The following ST3GAL5 variants were observed in gnomAD, a reference collection of about 807,000 sequenced individuals.
ST3GAL5 encodes ST3 beta-galactoside alpha-2,3-sialyltransferase 5.
Under a neutral mutation model 46.1 loss-of-function variants are expected in ST3GAL5, and 25 were observed. The observed-to-expected ratio is 0.54, with a 90% CI of 0.40 to 0.76. The LOEUF is 0.76. Among genes scored for constraint, ST3GAL5 ranks in the 30% least tolerant of loss-of-function variants. ST3GAL5 has a pLI of 0.00. For missense variants in ST3GAL5, 431 were observed against 521.2 expected (o/e 0.83, Z 1.69); for synonymous variants, 182 against 192.7 (o/e 0.94, Z 0.46).
rs1176779685 is a variant in ST3GAL5 at position 85,844,383 on chromosome 2, G to C, written c.1008+13C>G. On this transcript the variant is annotated intron_variant, in intron 6 of 6. Transcript: ENST00000638572. Reference sequence around the variant, plus strand: ...AACAGGGAATGATTAACTTTGAGTAGCAACAAAAATACCTTATCTCGGCCC... The same window carrying C: ...AACAGGGAATGATTAACTTTGAGTACCAACAAAAATACCTTATCTCGGCCC... 6.2e-7 allele frequency: 1 copy of C among 1,614,056 alleles called. No homozygotes were observed. Among genetic ancestry groups the C allele is most frequent in the Non-Finnish European group, 8.5e-7 (1 of 1,180,036 alleles).
chr2:85,867,550 AG>A, intron 1 of ST3GAL5: 1 of 780,298 alleles, frequency 1.3e-6, no homozygotes, highest in Non-Finnish European at 2.4e-6. Flanking sequence ...CCAAAGGCCA[AG>A]GAAGAGGCTG....
intron 1 of ST3GAL5, among the ~76,000 whole-genome samples, chr2:85,876,800 T>A (rs1236817293): frequency 2.0e-5 from 3 of 152,132 alleles, no homozygotes; most frequent in Non-Finnish European, 4.4e-5. Flanking sequence ...ACAAAACAAA[T>A]TCTGCAAGAA....
At chr2:85,883,675 G>T (rs1427428759) in intron 1 of ST3GAL5, among the ~76,000 whole-genome samples, 2 of 152,280 alleles carry the variant, frequency 1.3e-5, no homozygotes, top group East Asian at 3.9e-4. Flanking sequence ...TGCCTAAAGG[G>T]TCTACCCAGG....
rs745398807 is a variant in ST3GAL5 at position 85,848,418 on chromosome 2, G to C, written c.319-214C>G. The C allele has an allele frequency of 2.5e-4, 380 of 1,524,890 alleles. 2 individuals carry two copies. Among genetic ancestry groups the C allele is most frequent in the Admixed American group, 3.6e-4 (18 of 50,216 alleles). The allele number at this position is 1,524,890 out of a possible 1,614,324, so 94.5% of individuals were successfully genotyped here. ...ACATGACAAGGAGATAAACACAGCA[G>C]GGTATTCATTTCATTGCACAGGCAA... On this transcript the variant is annotated intron_variant, in intron 3 of 6. Coordinates refer to ENST00000638572, the MANE Select transcript of ST3GAL5 (RefSeq NM_003896.4).
At chr2:85,868,833 G>GCAA (rs1685584742) in intron 1 of ST3GAL5, among the ~76,000 whole-genome samples, 1 of 152,056 alleles carries the variant, frequency 6.6e-6, no homozygotes, top group Non-Finnish European at 1.5e-5. Flanking sequence ...TGGCCAGGCT[G>GCAA]GTCTCAAACT....
At chr2:85,863,852 C>A (rs914157350) in intron 1 of ST3GAL5, among the ~76,000 whole-genome samples, 1 of 151,972 alleles carries the variant, frequency 6.6e-6, no homozygotes, top group African/African-American at 2.4e-5. Flanking sequence ...GGATTACAGG[C>A]GCATGCCACC....
At position 85,861,308 on chromosome 2, in the gene ST3GAL5, T is replaced by A; in HGVS notation, c.207-16A>T. ...CAATGTACATCTGGAAAAAAATCAA[T>A]TAGGTATTATGATGTAGTCATGTGA... On this transcript the variant is annotated splice_polypyrimidine_tract_variant and intron_variant, in intron 2 of 6. Transcript: ENST00000638572. The A allele has an allele frequency of 6.7e-7, 1 of 1,493,528 alleles. No homozygotes were observed. The highest frequency in any genetic ancestry group is 9.3e-7 in the Non-Finnish European group (1 of 1,070,914). The allele number at this position is 1,493,528 out of a possible 1,614,324, so 92.5% of individuals were successfully genotyped here.
chr2:85,880,539 A>G (rs1687030911), intron 1 of ST3GAL5, among the ~76,000 whole-genome samples: 1 of 152,160 alleles, frequency 6.6e-6, no homozygotes, highest in African/African-American at 2.4e-5. Flanking sequence ...AAAAGCTCTC[A>G]TAGGCTGGGC....
intron 2 of ST3GAL5, among the ~76,000 whole-genome samples, chr2:85,861,660 A>AAG (rs1434914047): frequency 2.7e-5 from 4 of 150,742 alleles, no homozygotes; most frequent in African/African-American, 9.7e-5. Context: ...AAAAAAAAAA[A>AAG]AAAGAAAAGA....
In ST3GAL5 at chr2:85,847,894, C is replaced by T; in HGVS notation, c.629G>A (p.Gly210Asp). The T allele has an allele frequency of 6.2e-7, 1 of 1,614,034 alleles. No individual in the cohort carries two copies. The highest frequency in any genetic ancestry group is 8.5e-7 in the Non-Finnish European group (1 of 1,180,024). ...SGGILHGLELGHTLNQFDVVI... is the reference protein window; with the variant it reads ...SGGILHGLELDHTLNQFDVVI... ...AACATCGAACTGGTTCAGGGTGTGG[C>T]CCAGTTCTAATCCGTGCAGTATTCC... Residue 210 changes from glycine (G) to aspartate (D), a missense_variant, in exon 4 of 7, where the codon GGC (glycine) becomes GAC (aspartate). Transcript: ENST00000638572.
Position 85,838,445 on chromosome 2 carries a change from A to G in ST3GAL5, c.*1699T>C, listed in dbSNP as rs1248116808. On this transcript the variant is annotated 3_prime_UTR_variant, in exon 7 of 7. Transcript: ENST00000638572. The stretch of plus-strand genomic sequence containing the variant: ...TAAGCCCAGCACCACCTGAGCCACA[A>G]GGGAGCTGTGGACCATCTTCCAGAG... The G allele has an allele frequency of 6.6e-6, 1 of 152,224 alleles. No individual in the cohort carries two copies. 9.4% of individuals were successfully genotyped at this position (152,224 alleles called of 1,614,324 possible). A position where few individuals can be genotyped will look rare whatever the true frequency, so the allele number is the denominator to read the frequency against.
At chr2:85,858,508 A>G (rs927280139) in intron 3 of ST3GAL5, among the ~76,000 whole-genome samples, 2 of 152,048 alleles carry the variant, frequency 1.3e-5, no homozygotes, top group Non-Finnish European at 2.9e-5. Flanking sequence ...ACGGGGTTTC[A>G]CCATGTTGGC....
intron 6 of ST3GAL5, 86 bp downstream of exon 6, chr2:85,844,310 C>G: frequency 6.4e-7 from 1 of 1,574,570 alleles, no homozygotes; most frequent in Non-Finnish European, 8.7e-7. Flanking sequence ...GGAGATGCTT[C>G]TGGGTATACA....
chr2:85,881,345 T>C (rs538072880), intron 1 of ST3GAL5, among the ~76,000 whole-genome samples: 12 of 152,334 alleles, frequency 7.9e-5, no homozygotes, highest in African/African-American at 2.9e-4. Context: ...GCTGAAAAGA[T>C]ACCTGAAAAT....
chr2:85,887,218 A>G (rs1687858883), intron 1 of ST3GAL5, among the ~76,000 whole-genome samples: 1 of 152,246 alleles, frequency 6.6e-6, no homozygotes, highest in African/African-American at 2.4e-5. Flanking sequence ...AAGAACAAAG[A>G]GTGTGTTCTT....
chr2:85,850,709 A>G (rs1486420569), intron 3 of ST3GAL5: 2 of 152,246 alleles, frequency 1.3e-5, no homozygotes, highest in African/African-American at 4.8e-5. Context: ...CTAGGACAGA[A>G]AGGAACATCT....
At chr2:85,884,963 T>C (rs1342344060) in intron 1 of ST3GAL5, among the ~76,000 whole-genome samples, 1 of 152,222 alleles carries the variant, frequency 6.6e-6, no homozygotes, top group Admixed American at 6.5e-5. Context: ...GATACTTAAC[T>C]GTTATAATCC....
intron 5 of ST3GAL5, chr2:85,844,824 C>A: frequency 2.0e-6 from 1 of 512,044 alleles, no homozygotes; most frequent in Non-Finnish European, 3.6e-6. Context: ...AGACATTCCT[C>A]AATGGTGCTA....
chr2:85,876,047 G>A lies in ST3GAL5; in HGVS notation c.83-12562C>T, dbSNP rs74434300. Reference sequence around the variant, plus strand: ...TCATCATGCAGGACATAATAAATTCGTGATTTCTGCCAAAACATACAACCT... The same window carrying A: ...TCATCATGCAGGACATAATAAATTCATGATTTCTGCCAAAACATACAACCT... On this transcript the variant is annotated intron_variant, in intron 1 of 6. Transcript: ENST00000638572. Among the ~76,000 whole-genome samples the A allele has an allele frequency of 5.2e-3, 786 of 152,190 alleles. 6 individuals carry two copies. The highest frequency in any genetic ancestry group is 0.017 in the African/African-American group (718 of 41,522).
Sources: gnomAD v4.1 joint callset for allele counts (sites outside exome capture counted in the v4.1 genomes callset) on GRCh38, gnomAD v4.1.1 for gene constraint, MANE v1.5 for transcripts, NCBI Gene and HGNC (gene_info 2026-07-23, HGNC 2026-07-21) for gene names.